ERAL1: variants seen among roughly 807,000 people sequenced by gnomAD.
The protein encoded by ERAL1 is GTPase Era, mitochondrial.
ERAL1 carries 36 observed loss-of-function variants against 53.6 expected under a neutral mutation model. The ratio of observed to expected loss-of-function variants is 0.67; its 90% CI spans 0.51 to 0.89. ERAL1 has a LOEUF of 0.89. Ranked by LOEUF, ERAL1 falls within the 40% of genes least tolerant of loss-of-function variation. The pLI, the probability that ERAL1 is intolerant of heterozygous loss-of-function variation, is 0.00. For missense variants in ERAL1, 512 were observed against 537.5 expected (o/e 0.95, Z 0.47); for synonymous variants, 215 against 211.8 (o/e 1.02, Z -0.13).
At position 28,860,768 on chromosome 17, in the gene ERAL1, TTCC is replaced by T. The variant is rs2039298649; in HGVS notation, c.*218_*220del. 4.4e-6 allele frequency: 2 copies of T among 455,942 alleles called. No individual in the cohort carries two copies. Among genetic ancestry groups the T allele is most frequent in the Non-Finnish European group, 7.4e-6 (2 of 270,930 alleles). The allele number at this position is 455,942 out of a possible 1,614,324, so 28.2% of individuals were successfully genotyped here. A position where few individuals can be genotyped will look rare whatever the true frequency, so the allele number is the denominator to read the frequency against. ...CTGCCTTAGCTCAGTTTCCAGGTGG[TTCC>T]TCTGCCTGGCACCACAGCTACAAAG... On this transcript the variant is annotated 3_prime_UTR_variant, in exon 10 of 10. Transcript: ENST00000254928.
chr17:28,856,714 C>CTTT, intron 3 of ERAL1, 132 bp downstream of exon 3: 40 of 602,510 alleles, frequency 6.6e-5, no homozygotes, highest in East Asian at 6.5e-5. Flanking sequence ...TTTTCTTTTT[C>CTTT]TTTTTTTTTT....
Position 28,859,002 on chromosome 17 carries a change from G to A in ERAL1, c.999G>A (p.Glu333=), listed in dbSNP as rs779064103. The A allele has an allele frequency of 6.2e-7, 1 of 1,614,210 alleles. No individual in the cohort carries two copies. The highest frequency in any genetic ancestry group is 8.5e-7 in the Non-Finnish European group (1 of 1,180,034). Residue 333 remains glutamate (E), a synonymous_variant, in exon 8 of 10, where the codon GAG becomes GAA. Coordinates refer to ENST00000254928, the MANE Select transcript of ERAL1 (RefSeq NM_005702.4). The part of the protein sequence containing the change: ...LLTQAQPGPW[E]YHSAVLTSQT... ...CACAGGCCCAGCCAGGGCCCTGGGA[G>A]TACCACAGTGCAGTCCTCACTAGCC...
chr17:28,860,772 T>TAA lies in ERAL1; in HGVS notation c.*219_*220insAA. ...CTTAGCTCAGTTTCCAGGTGGTTCC[T>TAA]CTGCCTGGCACCACAGCTACAAAGG... On this transcript the variant is annotated 3_prime_UTR_variant, in exon 10 of 10. Transcript: ENST00000254928. 2.5e-6 allele frequency: 1 copy of TAA among 397,750 alleles called. No individual in the cohort carries two copies. The highest frequency in any genetic ancestry group is 4.4e-6 in the Non-Finnish European group (1 of 228,478). 24.6% of individuals were successfully genotyped at this position (397,750 alleles called of 1,614,324 possible). A position where few individuals can be genotyped will look rare whatever the true frequency, so the allele number is the denominator to read the frequency against.
rs1017811332 is a variant in ERAL1, at chr17:28,860,601, A to G, written c.*48A>G. 8.4e-6 allele frequency: 13 copies of G among 1,550,500 alleles called. No individual in the cohort carries two copies. In the Admixed American group the frequency reaches 1.7e-4, roughly 20 times the overall value. On this transcript the variant is annotated 3_prime_UTR_variant, in exon 10 of 10. Transcript: ENST00000254928. ...GGGCATTCCAGCTCAAGCTGCTGGC[A>G]GGAACTGACCAGTTCTGTCCTTGGC...
intron 3 of ERAL1, 114 bp downstream of exon 3, chr17:28,856,696 G>A (rs751821371): frequency 5.3e-6 from 5 of 945,114 alleles, no homozygotes; most frequent in Non-Finnish European, 6.6e-6. Context: ...GTGAGGAAAG[G>A]GGGTTTCTTT....
Position 28,860,563 on chromosome 17 carries a change from A to G in ERAL1, c.*10A>G, listed in dbSNP as rs756859911. 3.1e-6 allele frequency: 5 copies of G among 1,594,648 alleles called. No homozygotes were observed. The highest frequency in any genetic ancestry group is 1.7e-4 in the Middle Eastern group (1 of 5,978). On this transcript the variant is annotated 3_prime_UTR_variant, in exon 10 of 10. Coordinates refer to ENST00000254928, the MANE Select transcript of ERAL1 (RefSeq NM_005702.4). ...GAAGCTCCTCAAGTGACCACCCTCT[A>G]CTGACCCTCCCAGGGCATTCCAGCT...
chr17:28,855,112 G>C lies in ERAL1; in HGVS notation c.78G>C (p.Ala26=). 6.2e-7 allele frequency: 1 copy of C among 1,614,222 alleles called. No individual in the cohort carries two copies. The highest frequency in any genetic ancestry group is 2.2e-5 in the East Asian group (1 of 44,882). ...LRVWQVGPHV[A]RERVIPFSSL... ...TCTGGCAGGTGGGCCCTCATGTCGC[G>C]AGGGAGCGGGTGATCCCTTTTTCCT... The change falls in exon 1 of 10, where the codon GCG becomes GCC. Residue 26 remains alanine (A), a synonymous_variant. Transcript: ENST00000254928.
At chr17:28,859,352 G>A (rs1266073702) in intron 9 of ERAL1, 69 bp downstream of exon 9, 2 of 1,457,994 alleles carry the variant, frequency 1.4e-6, no homozygotes, top group East Asian at 2.3e-5. Context: ...CCAGCTTGGA[G>A]CCCTGAGAGC....
rs753296552 is a variant in ERAL1 at position 28,858,373 on chromosome 17, G to T, written c.599-1G>T. ...CTTCTTCCTGCCTTGCCATCTTCTA[G>T]TTGTGGTTCTTGTGGATGTCTCAGA... On this transcript the variant is annotated splice_acceptor_variant, in intron 5 of 9. Coordinates refer to ENST00000254928, the MANE Select transcript of ERAL1 (RefSeq NM_005702.4). LOFTEE classifies it high-confidence loss of function. The T allele has an allele frequency of 6.2e-7, 1 of 1,613,988 alleles. No individual in the cohort carries two copies. Among genetic ancestry groups the T allele is most frequent in the African/African-American group, 1.3e-5 (1 of 74,920 alleles).
In ERAL1 at chr17:28,855,122, G is replaced by A; in HGVS notation, c.88G>A (p.Val30Met). The A allele has an allele frequency of 6.2e-7, 1 of 1,614,236 alleles. No homozygotes were observed. Among genetic ancestry groups the A allele is most frequent in the Non-Finnish European group, 8.5e-7 (1 of 1,180,036 alleles). The change falls in exon 1 of 10, where the codon GTG becomes ATG. Residue 30 changes from valine (V) to methionine (M), a missense_variant. Transcript: ENST00000254928. ...QVGPHVARER[V>M]IPFSSLLGFQ... ...GGGCCCTCATGTCGCGAGGGAGCGG[G>A]TGATCCCTTTTTCCTCACTCTTAGG...
In ERAL1 at chr17:28,855,219, G is replaced by T; in HGVS notation, c.185G>T (p.Arg62Leu). The change falls in exon 1 of 10, where the codon CGC becomes CTC. Residue 62 changes from arginine (R) to leucine (L), a missense_variant. Coordinates refer to ENST00000254928, the MANE Select transcript of ERAL1 (RefSeq NM_005702.4). Reference sequence around the variant, plus strand: ...GGTCCCCGCTTGGCCTCGGCTTCTCGCAGTAATGGCCAGGGCTCTGCCCTG... The same window carrying T: ...GGTCCCCGCTTGGCCTCGGCTTCTCTCAGTAATGGCCAGGGCTCTGCCCTG... The part of the protein sequence containing the change: ...FSGPRLASAS[R>L]SNGQGSALDH... The T allele has an allele frequency of 6.2e-7, 1 of 1,614,232 alleles. No homozygotes were observed. Among genetic ancestry groups the T allele is most frequent in the Non-Finnish European group, 8.5e-7 (1 of 1,180,050 alleles).
rs2039242406 is a variant in ERAL1 at position 28,856,335 on chromosome 17, C to T, written c.355C>T (p.Leu119=). The stretch of plus-strand genomic sequence containing the variant: ...TTCCCGGGTCCTACGAGTGGTCCTC[C>T]TGGGAGCCCCGAATGCAGGGAAGTC... ...ENSRVLRVVL[L]GAPNAGKSTL... Residue 119 remains leucine (L), a synonymous_variant, in exon 2 of 10, where the codon CTG becomes TTG. Transcript: ENST00000254928. 1.2e-6 allele frequency: 2 copies of T among 1,614,128 alleles called. No individual in the cohort carries two copies. Among genetic ancestry groups the T allele is most frequent in the African/African-American group, 2.7e-5 (2 of 75,050 alleles).
Position 28,860,552 on chromosome 17 carries a change from G to T in ERAL1, c.1313G>T (p.Ter438LeuextTer66). The change falls in exon 10 of 10, where the codon TGA (stop) becomes TTA (leucine). Residue 438 changes from the stop codon to leucine, a stop_lost. Coordinates refer to ENST00000254928, the MANE Select transcript of ERAL1 (RefSeq NM_005702.4). ...DIRLSVKLLK[*>L] ...CGCCTCTCTGTGAAGCTCCTCAAGT[G>T]ACCACCCTCTACTGACCCTCCCAGG... is the stretch of plus-strand genomic sequence containing the variant. The T allele has an allele frequency of 6.3e-7, 1 of 1,599,684 alleles. No homozygotes were observed. Among genetic ancestry groups the T allele is most frequent in the South Asian group, 1.1e-5 (1 of 88,710 alleles).
chr17:28,855,851 G>A (rs1375284822), intron 1 of ERAL1, among the ~76,000 whole-genome samples: 1 of 151,700 alleles, frequency 6.6e-6, no homozygotes, highest in Non-Finnish European at 1.5e-5. Flanking sequence ...CCCTTAGTAG[G>A]GTGAGAGAAT....
rs2039241738 is a variant in ERAL1, at chr17:28,856,303, C to T, written c.323C>T (p.Pro108Leu). 5 of 1,614,064 alleles carry T rather than the reference C, an allele frequency of 3.1e-6. No homozygotes were observed. The highest frequency in any genetic ancestry group is 4.2e-6 in the Non-Finnish European group (5 of 1,180,026). ...CTCTTGGTCCATCACCCTGATATGC[C>T]TGAGAATTCCCGGGTCCTACGAGTG... Reference protein sequence around the residue: ...DVLLVHHPDMPENSRVLRVVL... With the variant: ...DVLLVHHPDMLENSRVLRVVL... The change falls in exon 2 of 10, where the codon CCT (proline) becomes CTT (leucine). Residue 108 changes from proline (P) to leucine (L), a missense_variant. Coordinates refer to ENST00000254928, the MANE Select transcript of ERAL1 (RefSeq NM_005702.4).
chr17:28,856,266 G>T lies in ERAL1; in HGVS notation c.286G>T (p.Glu96Ter). The change falls in exon 2 of 10, where the codon GAG (glutamate) becomes TAG (stop). Residue 96 changes from glutamate (E) to a stop codon, truncating the protein, a stop_gained and splice_region_variant. Transcript: ENST00000254928. LOFTEE classifies it high-confidence loss of function. ...TGCTTCTTCCCACTTGCACATAGAT[G>T]AGCAGGATGTCCTCTTGGTCCATCA... ...CVPAVSMNRD[E>*]QDVLLVHHPD... The T allele has an allele frequency of 6.2e-7, 1 of 1,613,958 alleles. No individual in the cohort carries two copies.
At chr17:28,858,104 A>G in intron 4 of ERAL1, 42 bp from the exon 5 acceptor site, 4 of 1,613,432 alleles carry the variant, frequency 2.5e-6, no homozygotes, top group African/African-American at 1.3e-5. Context: ...GAAATGCCTT[A>G]GTCATAAGAC....
Position 28,858,961 on chromosome 17 carries a change from C to T in ERAL1, c.961-3C>T. 1.2e-6 allele frequency: 2 copies of T among 1,614,046 alleles called. No individual in the cohort carries two copies. Among genetic ancestry groups the T allele is most frequent in the Non-Finnish European group, 1.7e-6 (2 of 1,180,020 alleles). ...TGCCCATCTATTCCCTCTGTTCCCA[C>T]AGCAATACCTTCTGACACAGGCCCA... On this transcript the variant is annotated splice_polypyrimidine_tract_variant and splice_region_variant and intron_variant, in intron 7 of 9. Transcript: ENST00000254928.
At chr17:28,855,340 C>T (rs1455942703) in intron 1 of ERAL1, 23 bp downstream of exon 1, 1 of 1,545,512 alleles carries the variant, frequency 6.5e-7, no homozygotes. Context: ...GATAGGTTTG[C>T]TCGGAACTGT....
Sources: gnomAD v4.1 joint callset for allele counts (sites outside exome capture counted in the v4.1 genomes callset) on GRCh38, gnomAD v4.1.1 for gene constraint, MANE v1.5 for transcripts, NCBI Gene and HGNC (gene_info 2026-07-23, HGNC 2026-07-21) for gene names.